Variants in CDH18 observed in about 807,000 individuals in gnomAD.
The protein encoded by CDH18 is cadherin 18.
In CDH18, 31 loss-of-function variants were observed where a neutral mutation model predicts 67.9. The ratio of observed to expected loss-of-function variants is 0.46; its 90% CI spans 0.34 to 0.62. The LOEUF (loss-of-function observed/expected upper bound fraction) is 0.62, where lower values mean the gene tolerates loss of function less well. CDH18 is among the 20% of genes least tolerant of loss of function. The pLI is 0.01. For synonymous variants in CDH18, 362 were observed against 347.2 expected (o/e 1.04, Z -0.48); for missense variants, 890 against 975.5 (o/e 0.91, Z 1.17).
At chr5:20,528,330 T>A (rs1362310547) in intron 1 of CDH18, among the ~76,000 whole-genome samples, 3 of 152,026 alleles carry the variant, frequency 2.0e-5, no homozygotes, top group African/African-American at 7.3e-5. Flanking sequence ...CCACTGTTAG[T>A]ATTAGACAGA....
At chr5:20,233,244 G>A (rs934637767) in intron 2 of CDH18, among the ~76,000 whole-genome samples, 38 of 150,906 alleles carry the variant, frequency 2.5e-4, no homozygotes, top group African/African-American at 8.7e-4. Context: ...CTATATATTA[G>A]TGAAAAACAT....
chr5:20,209,618 A>C (rs1194968733), intron 2 of CDH18, among the ~76,000 whole-genome samples: 1 of 152,074 alleles, frequency 6.6e-6, no homozygotes, highest in East Asian at 1.9e-4. Flanking sequence ...GGAGATAAAA[A>C]GAGGTTGACC....
chr5:19,660,118 G>T (rs1274809891), intron 5 of CDH18, among the ~76,000 whole-genome samples: 1 of 152,004 alleles, frequency 6.6e-6, no homozygotes. Context: ...ATACGTGTAT[G>T]TTCAACTGTT....
chr5:19,666,233 GATTTTTATTATT>G (rs1259535713), intron 5 of CDH18, among the ~76,000 whole-genome samples: 400 of 122,276 alleles, frequency 3.3e-3, no homozygotes, highest in African/African-American at 0.011. Flanking sequence ...ACGCCTGTAT[GATTTTTATTATT>G]ATTATTATTA....
At chr5:19,601,674 T>C (rs888470930) in intron 6 of CDH18, among the ~76,000 whole-genome samples, 2 of 152,036 alleles carry the variant, frequency 1.3e-5, no homozygotes, top group Non-Finnish European at 2.9e-5. Context: ...CCAATATTCC[T>C]TATGAATATT....
intron 1 of CDH18, among the ~76,000 whole-genome samples, chr5:20,361,533 C>T (rs1178022608): frequency 6.6e-6 from 1 of 151,942 alleles, no homozygotes; most frequent in African/African-American, 2.4e-5. Context: ...TTAAGGGTCC[C>T]TATCTTTGTA....
At chr5:19,592,325 G>A (rs534536354) in intron 6 of CDH18, among the ~76,000 whole-genome samples, 3 of 151,978 alleles carry the variant, frequency 2.0e-5, no homozygotes, top group South Asian at 2.1e-4. Context: ...GAATGGAACC[G>A]TTTCTATAGT....
At chr5:20,422,881 G>A (rs75775305) in intron 1 of CDH18, among the ~76,000 whole-genome samples, 2,832 of 151,120 alleles carry the variant, frequency 0.019, 199 homozygotes, top group African/African-American at 0.049. Context: ...AAGTCAGAAG[G>A]TTGGTTGGGA....
At chr5:19,749,964 A>G (rs1165795884) in intron 3 of CDH18, among the ~76,000 whole-genome samples, 1 of 152,028 alleles carries the variant, frequency 6.6e-6, no homozygotes, top group Non-Finnish European at 1.5e-5. Flanking sequence ...CTTACACCAA[A>G]TATTATGAAA....
intron 2 of CDH18, among the ~76,000 whole-genome samples, chr5:20,034,003 C>T (rs992377314): frequency 6.6e-6 from 1 of 151,954 alleles, no homozygotes; most frequent in African/African-American, 2.4e-5. Flanking sequence ...AATTCTCAGA[C>T]ATTACATAAA....
At chr5:19,792,740 CA>C (rs1776491017) in intron 3 of CDH18, among the ~76,000 whole-genome samples, 1 of 151,868 alleles carries the variant, frequency 6.6e-6, no homozygotes, top group East Asian at 1.9e-4. Flanking sequence ...TAAACAACTG[CA>C]AAAAGCATGA....
chr5:20,075,530 C>T (rs1046402007), intron 2 of CDH18, among the ~76,000 whole-genome samples: 1 of 151,906 alleles, frequency 6.6e-6, no homozygotes, highest in African/African-American at 2.4e-5. Context: ...AACAAAAAAA[C>T]CTGAAGAGTT....
rs949767893 is a variant in CDH18 at position 19,855,052 on chromosome 5, T to C, written c.-256-15810A>G. ...CCTCCAGGTCCTCCAGTCCCACTCATGCTGTTGCAAATGACAAGATTTCAT... is the reference window on the plus strand; with the variant it reads ...CCTCCAGGTCCTCCAGTCCCACTCACGCTGTTGCAAATGACAAGATTTCAT... On this transcript the variant is annotated intron_variant, in intron 2 of 12. Transcript: ENST00000382275. Among the ~76,000 whole-genome samples, 4 of 152,082 alleles carry C rather than the reference T, an allele frequency of 2.6e-5. No homozygotes were observed. The East Asian group carries it at 5.8e-4, about 22-fold the overall frequency.
chr5:20,298,698 A>C (rs1327940140), intron 1 of CDH18, among the ~76,000 whole-genome samples: 1 of 152,220 alleles, frequency 6.6e-6, no homozygotes, highest in Non-Finnish European at 1.5e-5. Context: ...AAGATAAAGC[A>C]GTAATTAAAA....
chr5:20,485,743 G>T (rs1409866114), intron 1 of CDH18, among the ~76,000 whole-genome samples: 1 of 152,078 alleles, frequency 6.6e-6, no homozygotes, highest in Non-Finnish European at 1.5e-5. Context: ...GCATCTTTAT[G>T]CTTTCAGCGA....
chr5:20,323,852 T>C (rs965131053), intron 1 of CDH18, among the ~76,000 whole-genome samples: 1 of 152,232 alleles, frequency 6.6e-6, no homozygotes, highest in African/African-American at 2.4e-5. Flanking sequence ...ATTATTTTTC[T>C]TTCAAATATC....
chr5:19,647,873 A>C (rs933542168), intron 5 of CDH18, among the ~76,000 whole-genome samples: 1 of 151,542 alleles, frequency 6.6e-6, no homozygotes, highest in Non-Finnish European at 1.5e-5. Flanking sequence ...GTAGGAGAAA[A>C]ATTGAGAAAA....
At chr5:19,972,851 GT>G (rs563756037) in intron 2 of CDH18, among the ~76,000 whole-genome samples, 159 of 152,038 alleles carry the variant, frequency 1.0e-3, no homozygotes, top group African/African-American at 3.5e-3. Flanking sequence ...ATTTGTAATA[GT>G]TTTTAATAGA....
At chr5:19,719,120 A>C (rs1477404252) in intron 5 of CDH18, among the ~76,000 whole-genome samples, 2 of 152,048 alleles carry the variant, frequency 1.3e-5, no homozygotes, top group Non-Finnish European at 2.9e-5. Context: ...ATGAACACAC[A>C]AAATTGATGT....
Sources: allele counts gnomAD v4.1 joint callset (sites outside exome capture counted in the v4.1 genomes callset), GRCh38; gene constraint gnomAD v4.1.1; transcripts MANE v1.5; gene names NCBI Gene and HGNC (gene_info 2026-07-23, HGNC 2026-07-21).